Variants in LRP1B observed in about 807,000 individuals in gnomAD.
The protein encoded by LRP1B is LDL receptor related protein 1B.
LRP1B carries 217 observed loss-of-function variants against 556.6 expected under a neutral mutation model. The observed-to-expected ratio is 0.39, with a 90% CI of 0.35 to 0.44. The LOEUF (loss-of-function observed/expected upper bound fraction) is 0.44, where lower values mean the gene tolerates loss of function less well. LRP1B is among the 20% of genes least tolerant of loss of function. The probability of loss-of-function intolerance (pLI) is 1.00; values close to 1 mark genes in which losing one functional copy is unlikely to be tolerated. For synonymous variants in LRP1B, 2,047 were observed against 1,865.8 expected (o/e 1.10, Z -2.50); for missense variants, 5,053 against 5,620.8 (o/e 0.90, Z 3.23).
intron 7 of LRP1B, among the ~76,000 whole-genome samples, chr2:141,182,255 A>G (rs974374268): frequency 1.3e-5 from 2 of 152,074 alleles, no homozygotes; most frequent in Non-Finnish European, 2.9e-5. Flanking sequence ...AAGAAACAAA[A>G]TGTTACATAA....
At chr2:141,574,621 GA>G (rs1350440563) in intron 2 of LRP1B, among the ~76,000 whole-genome samples, 2 of 152,074 alleles carry the variant, frequency 1.3e-5, no homozygotes, top group Admixed American at 6.6e-5. Flanking sequence ...TCAGGCAAGA[GA>G]AAGAAATAAA....
At chr2:142,001,191 T>A (rs1702642266) in intron 1 of LRP1B, among the ~76,000 whole-genome samples, 1 of 152,132 alleles carries the variant, frequency 6.6e-6, no homozygotes, top group Admixed American at 6.6e-5. Context: ...AATTACCCAG[T>A]CTGGGGTATG....
At chr2:142,088,974 C>CAAAAAAAAAAAAAA (rs1289382985) in intron 1 of LRP1B, among the ~76,000 whole-genome samples, 2 of 39,718 alleles carry the variant, frequency 5.0e-5, no homozygotes, top group Non-Finnish European at 9.7e-5. Flanking sequence ...GGCTCCGTCT[C>CAAAAAAAAAAAAAA]AAAAAAAAAA....
chr2:141,792,437 A>G (rs1695644983), intron 2 of LRP1B, among the ~76,000 whole-genome samples: 1 of 151,966 alleles, frequency 6.6e-6, no homozygotes, highest in Non-Finnish European at 1.5e-5. Flanking sequence ...TTATGTTAAT[A>G]TATGTTTCAT....
chr2:140,855,493 G>GAAAAAAAAAAAAAAAAAAAAAA lies in LRP1B; in HGVS notation c.4580-3711_4580-3710insTTTTTTTTTTTTTTTTTTTTTT, dbSNP rs56835236. ...GACAGGTAGGTCCCATCTCTACTGG[G>GAAAAAAAAAAAAAAAAAAAAAA]AAAAAAAAAAAATTTGAATGGCTTC... is the stretch of plus-strand genomic sequence containing the variant. On this transcript the variant is annotated intron_variant, in intron 27 of 90. Coordinates refer to ENST00000389484, the MANE Select transcript of LRP1B (RefSeq NM_018557.3). Among the ~76,000 whole-genome samples, 25 of 99,398 alleles carry GAAAAAAAAAAAAAAAAAAAAAA rather than the reference G, an allele frequency of 2.5e-4. 1 individual carries two copies. Among genetic ancestry groups the GAAAAAAAAAAAAAAAAAAAAAA allele is most frequent in the African/African-American group, 8.7e-4 (23 of 26,452 alleles). The allele number at this position is 99,398 out of a possible 152,430, so 65.2% of individuals were successfully genotyped here.
intron 3 of LRP1B, among the ~76,000 whole-genome samples, chr2:141,456,743 G>A (rs1234068045): frequency 6.6e-6 from 1 of 152,154 alleles, no homozygotes; most frequent in African/African-American, 2.4e-5. Context: ...TGGTGGATGG[G>A]AATAAGATCT....
chr2:141,117,200 C>T (rs1700926882), intron 7 of LRP1B, among the ~76,000 whole-genome samples: 4 of 149,786 alleles, frequency 2.7e-5, no homozygotes. Context: ...GATAATATTG[C>T]CTCTGTAGGA....
chr2:141,435,193 T>C (rs1056700101), intron 3 of LRP1B, among the ~76,000 whole-genome samples: 2 of 152,166 alleles, frequency 1.3e-5, no homozygotes, highest in Non-Finnish European at 2.9e-5. Context: ...TTATTGTTTA[T>C]ATATTTTGTT....
At chr2:141,642,834 G>A (rs1689389803) in intron 2 of LRP1B, among the ~76,000 whole-genome samples, 1 of 152,090 alleles carries the variant, frequency 6.6e-6, no homozygotes, top group Non-Finnish European at 1.5e-5. Context: ...AGATTAAAAT[G>A]ACAAGGTCCA....
At chr2:141,759,484 T>A (rs894392099) in intron 2 of LRP1B, among the ~76,000 whole-genome samples, 6 of 152,134 alleles carry the variant, frequency 3.9e-5, no homozygotes, top group African/African-American at 1.4e-4. Context: ...TCATTAGCAT[T>A]TTTAAAGAAA....
At chr2:141,400,059 C>G (rs1690392959) in intron 3 of LRP1B, among the ~76,000 whole-genome samples, 1 of 152,058 alleles carries the variant, frequency 6.6e-6, no homozygotes. Context: ...GATCACGTCT[C>G]CCGGCAGCTT....
intron 1 of LRP1B, among the ~76,000 whole-genome samples, chr2:141,907,712 T>C (rs1195638985): frequency 2.0e-5 from 3 of 151,988 alleles, no homozygotes; most frequent in Admixed American, 1.3e-4. Context: ...ATAGTCAATA[T>C]TTTAGGTTTT....
At chr2:140,320,337 C>T (rs900420915) in intron 82 of LRP1B, among the ~76,000 whole-genome samples, 13 of 152,102 alleles carry the variant, frequency 8.5e-5, no homozygotes, top group Admixed American at 4.6e-4. Flanking sequence ...GAAAGTACTA[C>T]AATAGTTTTA....
chr2:141,635,733 A>G (rs1296252911), intron 2 of LRP1B, among the ~76,000 whole-genome samples: 1 of 152,230 alleles, frequency 6.6e-6, no homozygotes, highest in Non-Finnish European at 1.5e-5. Context: ...GGCTTAAGCC[A>G]ACTTTCCACG....
At chr2:141,380,598 G>A (rs1474855959) in intron 3 of LRP1B, among the ~76,000 whole-genome samples, 1 of 152,108 alleles carries the variant, frequency 6.6e-6, no homozygotes, top group Non-Finnish European at 1.5e-5. Context: ...GCCTCTAGGT[G>A]CAAAAAGAGC....
At chr2:141,235,789 G>A (rs1404353251) in intron 5 of LRP1B, among the ~76,000 whole-genome samples, 4 of 152,012 alleles carry the variant, frequency 2.6e-5, no homozygotes, top group African/African-American at 7.2e-5. Flanking sequence ...CCTTTGATTC[G>A]GCTAATATTT....
At chr2:141,293,316 TG>T (rs2105413874) in intron 3 of LRP1B, among the ~76,000 whole-genome samples, 1 of 152,326 alleles carries the variant, frequency 6.6e-6, no homozygotes, top group East Asian at 1.9e-4. Context: ...TTTCTCACTT[TG>T]GGATCAAAAA....
chr2:140,820,887 G>A (rs1691304815), intron 31 of LRP1B, among the ~76,000 whole-genome samples: 1 of 145,740 alleles, frequency 6.9e-6, no homozygotes, highest in African/African-American at 2.5e-5. Context: ...ACTAAGGAAA[G>A]CCCCTCCTCT....
chr2:141,459,407 G>T (rs961366402), intron 3 of LRP1B, among the ~76,000 whole-genome samples: 1 of 152,130 alleles, frequency 6.6e-6, no homozygotes. Flanking sequence ...AAAACAGAGA[G>T]CTAGTAAATG....
Sources: gnomAD v4.1 joint callset for allele counts (sites outside exome capture counted in the v4.1 genomes callset) on GRCh38, gnomAD v4.1.1 for gene constraint, MANE v1.5 for transcripts, NCBI Gene and HGNC (gene_info 2026-07-23, HGNC 2026-07-21) for gene names.